SVIL: variants seen among roughly 807,000 people sequenced by gnomAD.
SVIL encodes the protein supervillin, also known as archvillin.
Under a neutral mutation model 240.4 loss-of-function variants are expected in SVIL, and 101 were observed. The ratio of observed to expected loss-of-function variants is 0.42; its 90% confidence interval spans 0.36 to 0.50. The LOEUF is 0.50. Ranked by LOEUF, SVIL falls within the 20% of genes least tolerant of loss-of-function variation. The pLI is 0.01. For synonymous variants in SVIL, 999 were observed against 1,100.0 expected, an observed-to-expected ratio of 0.91 and a Z score of 1.82; for missense variants, 2,512 against 2,818.7, an observed-to-expected ratio of 0.89 and a Z score of 2.46.
At chr10:29,631,700 G>A (rs1417254187) in intron 1 of SVIL, among the ~76,000 whole-genome samples, 5 of 152,110 alleles carry the variant, frequency 3.3e-5, no homozygotes, top group Admixed American at 1.3e-4. Flanking sequence ...CCTTGAACCC[G>A]GGAGGCAGGG....
chr10:29,682,173 G>A (rs1960708333), intron 2 of SVIL, among the ~76,000 whole-genome samples: 1 of 152,152 alleles, frequency 6.6e-6, no homozygotes, highest in Non-Finnish European at 1.5e-5. Flanking sequence ...TAAGCAGCAG[G>A]TTGGCAGATC....
intron 1 of SVIL, among the ~76,000 whole-genome samples, chr10:29,709,614 C>T (rs1400326333): frequency 2.0e-5 from 3 of 152,180 alleles, no homozygotes; most frequent in Non-Finnish European, 4.4e-5. Context: ...GGTATGCTCT[C>T]ACCAGCTTGT....
At chr10:29,587,996 T>C (rs183541807) in intron 1 of SVIL, among the ~76,000 whole-genome samples, 17 of 152,326 alleles carry the variant, frequency 1.1e-4, no homozygotes, top group African/African-American at 3.8e-4. Flanking sequence ...TGCACTGTAC[T>C]ACGCATACAA....
At chr10:29,540,154 C>T (rs1589167079) in intron 6 of SVIL, among the ~76,000 whole-genome samples, 1 of 152,128 alleles carries the variant, frequency 6.6e-6, no homozygotes, top group East Asian at 1.9e-4. Context: ...TGAGTCATTC[C>T]TCTTGTTCAA....
intron 2 of SVIL, among the ~76,000 whole-genome samples, chr10:29,684,619 A>C (rs1309877095): frequency 6.6e-6 from 1 of 152,192 alleles, no homozygotes; most frequent in Non-Finnish European, 1.5e-5. Flanking sequence ...TCATAGTCTC[A>C]TAGGTGGCTG....
At chr10:29,722,388 C>T (rs1344555871) in intron 1 of SVIL, among the ~76,000 whole-genome samples, 1 of 151,948 alleles carries the variant, frequency 6.6e-6, no homozygotes, top group East Asian at 1.9e-4. Context: ...TATCAAAAAG[C>T]CCTAGAAGTT....
intron 3 of SVIL, among the ~76,000 whole-genome samples, chr10:29,555,931 G>C (rs560488161): frequency 6.6e-6 from 1 of 152,198 alleles, no homozygotes; most frequent in Admixed American, 6.5e-5. Flanking sequence ...ATTAGCTACA[G>C]TTTAGATGAA....
chr10:29,535,553 G>C (rs1396395136), intron 7 of SVIL, among the ~76,000 whole-genome samples: 3 of 152,252 alleles, frequency 2.0e-5, no homozygotes, highest in African/African-American at 7.2e-5. Flanking sequence ...ATTAACTACT[G>C]GTTTAGAGAT....
intron 2 of SVIL, among the ~76,000 whole-genome samples, chr10:29,662,307 T>C (rs779745984): frequency 6.6e-6 from 1 of 152,210 alleles, no homozygotes; most frequent in Non-Finnish European, 1.5e-5. Flanking sequence ...GAGACCTCCC[T>C]GTCTCCTGAA....
chr10:29,459,945 G>C (rs1020122872), intron 36 of SVIL, among the ~76,000 whole-genome samples: 3 of 152,102 alleles, frequency 2.0e-5, no homozygotes, highest in African/African-American at 7.2e-5. Flanking sequence ...ACAAAAATAG[G>C]CTAGGCATGG....
intron 3 of SVIL, among the ~76,000 whole-genome samples, chr10:29,653,906 T>C (rs1240983559): frequency 6.6e-6 from 1 of 152,174 alleles, no homozygotes; most frequent in Non-Finnish European, 1.5e-5. Flanking sequence ...CTCAATTCTA[T>C]TCTATAGAAT....
At chr10:29,640,251 T>C (rs550812949) in intron 3 of SVIL, among the ~76,000 whole-genome samples, 18 of 152,298 alleles carry the variant, frequency 1.2e-4, no homozygotes, top group African/African-American at 4.3e-4. Flanking sequence ...AGGCTTCATC[T>C]AGATGTGGCC....
chr10:29,503,239 C>T (rs1217578510), intron 17 of SVIL, among the ~76,000 whole-genome samples: 6 of 152,212 alleles, frequency 3.9e-5, no homozygotes, highest in African/African-American at 9.6e-5. Flanking sequence ...TCACTGCATA[C>T]ACCCTCAAGT....
At chr10:29,691,274 C>T (rs1028438459) in intron 1 of SVIL, among the ~76,000 whole-genome samples, 9 of 149,336 alleles carry the variant, frequency 6.0e-5, no homozygotes, top group Non-Finnish European at 1.0e-4. Flanking sequence ...TGCAGTGGTG[C>T]GATCTCGGCT....
At chr10:29,682,504 T>C (rs1960738277) in intron 2 of SVIL, among the ~76,000 whole-genome samples, 1 of 152,214 alleles carries the variant, frequency 6.6e-6, no homozygotes. Flanking sequence ...CTGGAGCTTA[T>C]CGTCTAGTGA....
chr10:29,707,961 T>C (rs902737971), intron 1 of SVIL, among the ~76,000 whole-genome samples: 1 of 151,806 alleles, frequency 6.6e-6, no homozygotes, highest in Non-Finnish European at 1.5e-5. Context: ...AAAATAACTT[T>C]AAAAAAAATG....
intron 2 of SVIL, among the ~76,000 whole-genome samples, chr10:29,669,965 A>C (rs577116904): frequency 6.6e-6 from 1 of 152,134 alleles, no homozygotes; most frequent in Non-Finnish European, 1.5e-5. Flanking sequence ...AAATTTAAAA[A>C]TTAGCTGGGC....
At chr10:29,564,635 A>G (rs1431967670) in intron 2 of SVIL, among the ~76,000 whole-genome samples, 1 of 151,608 alleles carries the variant, frequency 6.6e-6, no homozygotes, top group Non-Finnish European at 1.5e-5. Flanking sequence ...CCCTGTAAAA[A>G]CTACAGGGAA....
At chr10:29,491,529 C>A (rs1410219545) in intron 21 of SVIL, among the ~76,000 whole-genome samples, 1 of 152,214 alleles carries the variant, frequency 6.6e-6, no homozygotes, top group Non-Finnish European at 1.5e-5. Flanking sequence ...TGACTAGCTT[C>A]CACTTAACGC....
Sources: allele counts gnomAD v4.1 joint callset (sites outside exome capture counted in the v4.1 genomes callset), GRCh38; gene constraint gnomAD v4.1.1; transcripts MANE v1.5; gene names NCBI Gene and HGNC (gene_info 2026-07-23, HGNC 2026-07-21).